The following CBR4 variants were observed in gnomAD, a reference collection of about 807,000 sequenced individuals.
CBR4 encodes the protein 3-oxoacyl-[acyl-carrier-protein] reductase.
In CBR4, 22 loss-of-function variants were observed where a neutral mutation model predicts 21.0. The observed-to-expected ratio is 1.05, with a 90% CI of 0.75 to 1.50. The LOEUF (loss-of-function observed/expected upper bound fraction) is 1.50. Ranked by LOEUF, CBR4 falls within the 40% of genes most tolerant of loss-of-function variation. The probability of loss-of-function intolerance (pLI) is 0.00; values close to 1 mark genes in which losing one functional copy is unlikely to be tolerated. For missense variants in CBR4, 302 were observed against 286.3 expected (o/e 1.05, Z -0.40); for synonymous variants, 100 against 104.4 (o/e 0.96, Z 0.26).
intron 2 of CBR4, among the ~76,000 whole-genome samples, chr4:168,914,847 C>T (rs1020511447): frequency 2.6e-5 from 4 of 152,178 alleles, no homozygotes; most frequent in African/African-American, 9.7e-5. Flanking sequence ...TGGTGTGTGA[C>T]TGCATCCACA....
intron 2 of CBR4, among the ~76,000 whole-genome samples, chr4:168,969,591 C>T (rs2126751951): frequency 6.6e-6 from 1 of 152,280 alleles, no homozygotes; most frequent in East Asian, 1.9e-4. Context: ...GGGACTCAAC[C>T]TGCCACTGCT....
intron 3 of CBR4, among the ~76,000 whole-genome samples, chr4:169,004,399 G>T (rs979662781): frequency 5.9e-5 from 9 of 152,342 alleles, no homozygotes; most frequent in Non-Finnish European, 1.3e-4. Flanking sequence ...TTTCATGAAA[G>T]ATTTCTCTGC....
rs1326460262 is a variant in CBR4 at position 168,943,342 on chromosome 4, GCATTTGAGAAAGC to G, written n.170-48590_170-48578del. Among the ~76,000 whole-genome samples, 11 of 152,266 alleles carry G rather than the reference GCATTTGAGAAAGC, an allele frequency of 7.2e-5. No individual in the cohort carries two copies. In the East Asian group the frequency reaches 1.7e-3, roughly 24 times the overall value. ...ACCCAGTACATCACTACTACAACTG[GCATTTGAGAAAGC>G]CACCGCACAAAGGCTATCAATAACC... On this transcript the variant is annotated intron_variant and non_coding_transcript_variant, in intron 2 of 3. Transcript: ENST00000509108.
intron 2 of CBR4, among the ~76,000 whole-genome samples, chr4:168,969,872 A>C (rs1179424853): frequency 1.3e-5 from 2 of 152,242 alleles, no homozygotes; most frequent in South Asian, 4.1e-4. Context: ...ATTTAAAAAA[A>C]GATTCATAGG....
intron 2 of CBR4, among the ~76,000 whole-genome samples, chr4:168,895,653 G>A (rs181077390): frequency 6.6e-6 from 1 of 152,318 alleles, no homozygotes; most frequent in East Asian, 1.9e-4. Flanking sequence ...TTAAATTAGA[G>A]TGGTCTGAAG....
intron 2 of CBR4, among the ~76,000 whole-genome samples, chr4:168,902,675 G>A (rs188506438): frequency 4.6e-5 from 7 of 152,160 alleles, no homozygotes; most frequent in Admixed American, 2.0e-4. Flanking sequence ...CTTAGAACTC[G>A]GACATCCATG....
At chr4:168,895,219 T>TA (rs2151221988) in intron 2 of CBR4, among the ~76,000 whole-genome samples, 1 of 152,090 alleles carries the variant, frequency 6.6e-6, no homozygotes, top group Non-Finnish European at 1.5e-5. Context: ...CCGTCTCTAC[T>TA]AAAAATACAA....
At chr4:168,966,356 C>CAAAAAAAAAAAAAAAAAAA in intron 2 of CBR4, among the ~76,000 whole-genome samples, 1 of 75,182 alleles carries the variant, frequency 1.3e-5, no homozygotes, top group Non-Finnish European at 2.4e-5. Flanking sequence ...ACTAAAAATA[C>CAAAAAAAAAAAAAAAAAAA]AAAAAAAAAA....
chr4:169,002,252 A>G, intron 3 of CBR4, 47 bp from the exon 4 acceptor site: 3 of 1,363,208 alleles, frequency 2.2e-6, no homozygotes, highest in Non-Finnish European at 2.9e-6. Context: ...ATTAAATTCA[A>G]TTAATGGGGT....
intron 2 of CBR4, among the ~76,000 whole-genome samples, chr4:168,936,793 T>C (rs1304151529): frequency 6.6e-6 from 1 of 152,032 alleles, no homozygotes; most frequent in African/African-American, 2.4e-5. Flanking sequence ...ATGTGAAAAG[T>C]CCAAACCTAC....
Position 168,926,635 on chromosome 4 carries a change from T to C in CBR4, n.170-31870A>G, listed in dbSNP as rs1245098569. Reference sequence around the variant, plus strand: ...TTTAAAACTTTGGAATTGCTGTGATTAAAGTGATCAAAATGCCAAAATACT... The same window carrying C: ...TTTAAAACTTTGGAATTGCTGTGATCAAAGTGATCAAAATGCCAAAATACT... On this transcript the variant is annotated intron_variant and non_coding_transcript_variant, in intron 2 of 3. Transcript: ENST00000509108. The C allele has an allele frequency of 7.6e-6, 3 of 397,062 alleles. No individual in the cohort carries two copies. The East Asian group carries it at 1.2e-4, about 16-fold the overall frequency. The allele number at this position is 397,062 out of a possible 1,614,324, so 24.6% of individuals were successfully genotyped here.
At chr4:168,912,979 C>T (rs1759306242) in intron 2 of CBR4, among the ~76,000 whole-genome samples, 1 of 152,052 alleles carries the variant, frequency 6.6e-6, no homozygotes, top group Non-Finnish European at 1.5e-5. Context: ...AGGTATTTAA[C>T]TGCTTCTAGT....
intron 2 of CBR4, among the ~76,000 whole-genome samples, chr4:168,979,336 C>T (rs1299507236): frequency 6.6e-6 from 1 of 152,052 alleles, no homozygotes; most frequent in Non-Finnish European, 1.5e-5. Context: ...GAAAGAAGAG[C>T]TTAAGGACTA....
chr4:168,954,907 C>T (rs1763641413), intron 2 of CBR4, among the ~76,000 whole-genome samples: 1 of 152,124 alleles, frequency 6.6e-6, no homozygotes, highest in South Asian at 2.1e-4. Context: ...TGATAAATTA[C>T]TCAATGTTTC....
At chr4:168,927,718 G>C (rs1246224111) in intron 2 of CBR4, 1 of 223,394 alleles carries the variant, frequency 4.5e-6, no homozygotes, top group Non-Finnish European at 9.0e-6. Context: ...GGTAAAGACT[G>C]CTTTTTGAAT....
rs1183324090 is a variant in CBR4 at position 168,948,159 on chromosome 4, G to A, written n.170-53394C>T. Among the ~76,000 whole-genome samples the A allele has an allele frequency of 2.6e-5, 4 of 152,016 alleles. No homozygotes were observed. In the East Asian group the frequency reaches 7.7e-4, roughly 29 times the overall value. ...TTGAGCATTTTTTCGTATGTTTGTT[G>A]GCCATTTGTATATCTTCTTTTGAAA... On this transcript the variant is annotated intron_variant and non_coding_transcript_variant, in intron 2 of 3. Transcript: ENST00000509108.
downstream of CBR4, among the ~76,000 whole-genome samples, chr4:168,982,913 A>G (rs1050302499): frequency 1.3e-5 from 2 of 152,178 alleles, no homozygotes; most frequent in East Asian, 1.9e-4. Flanking sequence ...GGACACAGCT[A>G]AAGTAGTGTC....
At chr4:168,898,050 T>C (rs1755632350) in intron 2 of CBR4, 3 of 158,934 alleles carry the variant, frequency 1.9e-5, no homozygotes, top group Admixed American at 6.1e-5. Context: ...TTTACTATAA[T>C]TGTATATAAT....
intron 2 of CBR4, among the ~76,000 whole-genome samples, chr4:168,899,870 C>A (rs149716826): frequency 6.6e-6 from 1 of 151,082 alleles, no homozygotes; most frequent in African/African-American, 2.4e-5. Flanking sequence ...TGACCAAGAT[C>A]GCGCCATTGC....
Sources: gnomAD v4.1 joint callset for allele counts (sites outside exome capture counted in the v4.1 genomes callset) on GRCh38, gnomAD v4.1.1 for gene constraint, MANE v1.5 for transcripts, NCBI Gene and HGNC (gene_info 2026-07-23, HGNC 2026-07-21) for gene names.